Variants in MYH15 observed in about 807,000 individuals in gnomAD.
The protein encoded by MYH15 is myosin heavy chain 15.
A neutral mutation model predicts 240.5 loss-of-function variants in MYH15; 227 were observed. The observed-to-expected ratio is 0.94, with a 90% CI of 0.85 to 1.05. The LOEUF (loss-of-function observed/expected upper bound fraction) is 1.05, where lower values mean the gene tolerates loss of function less well. Ranked by LOEUF, MYH15 falls within the 50% of genes least tolerant of loss-of-function variation. The probability of loss-of-function intolerance (pLI) is 0.00; values close to 1 mark genes in which losing one functional copy is unlikely to be tolerated. For missense variants in MYH15, 2,217 were observed against 2,247.5 expected, an observed-to-expected ratio of 0.99 and a Z score of 0.27; for synonymous variants, 785 against 796.7, an observed-to-expected ratio of 0.99 and a Z score of 0.25.
chr3:108,531,899 A>G (rs1464351244), upstream of MYH15, among the ~76,000 whole-genome samples: 1 of 152,184 alleles, frequency 6.6e-6, no homozygotes, highest in African/African-American at 2.4e-5. Flanking sequence ...ACACTTAGAG[A>G]GGTTACGTAA....
intron 33 of MYH15, among the ~76,000 whole-genome samples, chr3:108,400,394 T>C (rs2082495020): frequency 6.6e-6 from 1 of 152,348 alleles, no homozygotes; most frequent in South Asian, 2.1e-4. Flanking sequence ...GCTGGACAGA[T>C]AATAGAGAAC....
In MYH15 at chr3:108,410,596, G is replaced by C; in HGVS notation, c.4482C>G (p.Asn1494Lys). The change falls in exon 31 of 41, where the codon AAC (asparagine) becomes AAG (lysine). Residue 1494 changes from asparagine (N) to lysine (K), a missense_variant. Asn to Lys is a moderately conservative substitution (Grantham distance 94). Transcript: ENST00000693548. ...IVGQETLRRE[N>K]KNLQEEISNL... ...AGCTCGGTGTACCTTGGAGGTTCTTGTTCTCCCTCCTGAGTGTCTCCTGGC... is the reference window on the plus strand; with the variant it reads ...AGCTCGGTGTACCTTGGAGGTTCTTCTTCTCCCTCCTGAGTGTCTCCTGGC... The C allele has an allele frequency of 6.3e-7, 1 of 1,591,564 alleles. No homozygotes were observed. Among genetic ancestry groups the C allele is most frequent in the Non-Finnish European group, 8.6e-7 (1 of 1,163,036 alleles).
At position 108,421,068 on chromosome 3, in the gene MYH15, C is replaced by A; in HGVS notation, c.3829+20G>T. 2 of 1,613,536 alleles carry A rather than the reference C, an allele frequency of 1.2e-6. No individual in the cohort carries two copies. Among genetic ancestry groups the A allele is most frequent in the South Asian group, 2.2e-5 (2 of 91,004 alleles). On this transcript the variant is annotated intron_variant, in intron 28 of 40. Coordinates refer to ENST00000693548, the MANE Select transcript of MYH15 (RefSeq NM_014981.3). Reference sequence around the variant, plus strand: ...CTGGGATTGAGAATTGCCTATGAGTCAAGCAGCATACTTACTTACCACTCT... The same window carrying A: ...CTGGGATTGAGAATTGCCTATGAGTAAAGCAGCATACTTACTTACCACTCT...
At chr3:108,407,661 C>CTT (rs1197242226) in intron 32 of MYH15, among the ~76,000 whole-genome samples, 1 of 152,200 alleles carries the variant, frequency 6.6e-6, no homozygotes, top group African/African-American at 2.4e-5. Flanking sequence ...TTGACAACAT[C>CTT]ACTTTGAATC....
intron 22 of MYH15, among the ~76,000 whole-genome samples, chr3:108,442,135 C>T (rs1167506063): frequency 2.6e-5 from 4 of 152,104 alleles, no homozygotes; most frequent in Non-Finnish European, 4.4e-5. Context: ...CCTTCCATCT[C>T]GAGACCTCAC....
chr3:108,391,960 G>C, intron 36 of MYH15, 30 bp from the exon 37 acceptor site: 1 of 1,606,182 alleles, frequency 6.2e-7, no homozygotes, highest in South Asian at 1.1e-5. Flanking sequence ...GACTGAGCTA[G>C]TTCAGCAGTC....
At chr3:108,489,137 C>A (rs1270846430) in intron 9 of MYH15, among the ~76,000 whole-genome samples, 11 of 152,084 alleles carry the variant, frequency 7.2e-5, no homozygotes, top group African/African-American at 2.4e-4. Context: ...GAGTTGAGTT[C>A]TTTATATATT....
upstream of MYH15, among the ~76,000 whole-genome samples, chr3:108,530,194 A>G (rs561396783): frequency 6.6e-6 from 1 of 152,320 alleles, no homozygotes. Context: ...AAAACTTAAA[A>G]ATCCAAATGG....
chr3:108,409,554 G>A (rs562458516), intron 31 of MYH15, among the ~76,000 whole-genome samples: 3 of 152,314 alleles, frequency 2.0e-5, no homozygotes, highest in South Asian at 2.1e-4. Context: ...CACCCGTCAC[G>A]TCTCCATCTA....
Position 108,505,826 on chromosome 3 carries a change from T to C in MYH15, c.92A>G (p.Lys31Arg). Residue 31 changes from lysine (K) to arginine (R), a missense_variant, in exon 2 of 41, where the codon AAG (lysine) becomes AGG (arginine). Physicochemically the swap from Lys to Arg is conservative, Grantham distance 26. Coordinates refer to ENST00000693548, the MANE Select transcript of MYH15 (RefSeq NM_014981.3). ...LLLQATALDG[K>R]KKCWIPDGEN... is the part of the protein sequence containing the mutation. Reference sequence around the variant, plus strand: ...ACCATCAGGAATCCAGCATTTCTTCTTCCCTGTAGAGCAAAAAAAAAAAAA... The same window carrying C: ...ACCATCAGGAATCCAGCATTTCTTCCTCCCTGTAGAGCAAAAAAAAAAAAA... 3.8e-6 allele frequency: 6 copies of C among 1,592,746 alleles called. No homozygotes were observed. The Middle Eastern group carries it at 8.3e-4, about 221-fold the overall frequency.
chr3:108,488,684 C>T (rs1271228108), intron 9 of MYH15, among the ~76,000 whole-genome samples: 1 of 152,064 alleles, frequency 6.6e-6, no homozygotes, highest in Non-Finnish European at 1.5e-5. Context: ...TCCAGTCATC[C>T]TTCATGGACA....
chr3:108,448,390 A>G (rs2082946007), intron 21 of MYH15, among the ~76,000 whole-genome samples: 1 of 152,096 alleles, frequency 6.6e-6, no homozygotes, highest in South Asian at 2.1e-4. Context: ...ACACAGGTTG[A>G]AAGTGAGAAA....
intron 25 of MYH15, 128 bp from the exon 26 acceptor site, chr3:108,431,050 C>A: frequency 1.5e-6 from 1 of 654,026 alleles, no homozygotes; most frequent in Non-Finnish European, 2.6e-6. Flanking sequence ...CCCAATTACC[C>A]TGATTTACTC....
At chr3:108,503,826 T>C (rs753348991) in intron 2 of MYH15, among the ~76,000 whole-genome samples, 2 of 152,174 alleles carry the variant, frequency 1.3e-5, no homozygotes, top group Admixed American at 1.3e-4. Context: ...TGAAAACATG[T>C]GTCCCCACAA....
Position 108,430,790 on chromosome 3 carries a change from G to T in MYH15, c.3312+42C>A, listed in dbSNP as rs374611398. On this transcript the variant is annotated intron_variant, in intron 26 of 40. Transcript: ENST00000693548. ...ATTGAACCACCAGTCATCACCCATG[G>T]ATCTAAATATAAATACACAGGCATA... 9 of 1,449,538 alleles carry T rather than the reference G, an allele frequency of 6.2e-6. No individual in the cohort carries two copies. The African/African-American group carries it at 8.3e-5, about 13-fold the overall frequency. The allele number at this position is 1,449,538 out of a possible 1,614,324, so 89.8% of individuals were successfully genotyped here.
chr3:108,395,583 G>A (rs1247719979), intron 35 of MYH15, among the ~76,000 whole-genome samples: 1 of 151,272 alleles, frequency 6.6e-6, no homozygotes, highest in African/African-American at 2.4e-5. Context: ...GGGAGACAAG[G>A]GTTTAAATCT....
At chr3:108,409,044 AG>A (rs1215467841) in intron 31 of MYH15, among the ~76,000 whole-genome samples, 2 of 152,204 alleles carry the variant, frequency 1.3e-5, no homozygotes, top group African/African-American at 4.8e-5. Flanking sequence ...TTCTGCCTTT[AG>A]TACCTAAGAG....
intron 31 of MYH15, 37 bp downstream of exon 31, chr3:108,410,546 C>G: frequency 6.8e-7 from 1 of 1,462,414 alleles, no homozygotes; most frequent in Non-Finnish European, 9.2e-7. Context: ...CCTGAGCTAC[C>G]CGCTCTGGCT....
chr3:108,534,025 T>C (rs537820775), upstream of MYH15, among the ~76,000 whole-genome samples: 18 of 152,342 alleles, frequency 1.2e-4, no homozygotes, highest in African/African-American at 2.6e-4. Context: ...GATTGACTTA[T>C]ACATTTGAAG....
Sources: allele counts gnomAD v4.1 joint callset (sites outside exome capture counted in the v4.1 genomes callset), GRCh38; gene constraint gnomAD v4.1.1; transcripts MANE v1.5; gene names NCBI Gene and HGNC (gene_info 2026-07-23, HGNC 2026-07-21).